The following C12orf42 variants were observed in gnomAD, a reference collection of about 807,000 sequenced individuals.
C12orf42 encodes the protein chromosome 12 open reading frame 42, also known as uncharacterized protein C12orf42.
Under a neutral mutation model 21.6 loss-of-function variants are expected in C12orf42, and 25 were observed. That is an observed-to-expected ratio of 1.16 (90% CI 0.84 to 1.62). The LOEUF (loss-of-function observed/expected upper bound fraction) is 1.62. Ranked by LOEUF, C12orf42 falls within the 40% of genes most tolerant of loss-of-function variation. The probability of loss-of-function intolerance (pLI) is 0.00; values close to 1 mark genes in which losing one functional copy is unlikely to be tolerated. For missense variants in C12orf42, 483 were observed against 459.3 expected, an observed-to-expected ratio of 1.05 and a Z score of -0.47; for synonymous variants, 174 against 175.0, an observed-to-expected ratio of 0.99 and a Z score of 0.05.
chr12:103,116,240 TA>T, the C12orf42 span, among the ~76,000 whole-genome samples: 2 of 151,910 alleles, frequency 1.3e-5, no homozygotes, highest in Admixed American at 1.3e-4. Context: ...GACACATGCC[TA>T]TAATCCCAGC....
At chr12:103,427,270 A>C (rs1387998607) in intron 2 of C12orf42, among the ~76,000 whole-genome samples, 1 of 143,756 alleles carries the variant, frequency 7.0e-6, no homozygotes, top group African/African-American at 2.5e-5. Flanking sequence ...AATATTTACC[A>C]AGCAAATGGA....
rs189822880 is a variant in C12orf42, at chr12:103,288,412, G to C, written n.338-11202C>G. ...GGGTTAGGACTCACCAAAGAAATGG[G>C]ATAAATTGATCATAGAGTTTACAAG... On this transcript the variant is annotated intron_variant and non_coding_transcript_variant, in intron 4 of 6. Transcript: ENST00000546526. Among the ~76,000 whole-genome samples the C allele has an allele frequency of 5.0e-3, 757 of 152,250 alleles. 2 individuals are homozygous for C. Among genetic ancestry groups the C allele is most frequent in the Non-Finnish European group, 6.9e-3 (469 of 68,004 alleles).
the C12orf42 span, among the ~76,000 whole-genome samples, chr12:103,231,600 T>C: frequency 6.6e-6 from 1 of 152,202 alleles, no homozygotes; most frequent in East Asian, 1.9e-4. Context: ...CTTAGTAACA[T>C]GCATTTAAGT....
At chr12:103,157,130 G>A in the C12orf42 span, among the ~76,000 whole-genome samples, 2 of 151,994 alleles carry the variant, frequency 1.3e-5, no homozygotes, top group African/African-American at 2.4e-5. Flanking sequence ...AGCCTCGCCC[G>A]CATCTATTAT....
intron 5 of C12orf42, among the ~76,000 whole-genome samples, 167 bp downstream of exon 5, chr12:103,305,807 T>C (rs1302264384): frequency 6.6e-6 from 1 of 152,232 alleles, no homozygotes. Context: ...AATATAATGC[T>C]TGACAACAAG....
chr12:103,319,129 G>T (rs1309765043), intron 4 of C12orf42, among the ~76,000 whole-genome samples: 1 of 152,104 alleles, frequency 6.6e-6, no homozygotes, highest in African/African-American at 2.4e-5. Context: ...TGGGAAAAGG[G>T]CTGATATTAA....
At chr12:103,198,336 G>A in the C12orf42 span, among the ~76,000 whole-genome samples, 1 of 152,136 alleles carries the variant, frequency 6.6e-6, no homozygotes, top group East Asian at 1.9e-4. Context: ...CTGTGGTTGG[G>A]CATGTGAGGC....
At chr12:103,328,083 C>T (rs1045056819) in intron 4 of C12orf42, among the ~76,000 whole-genome samples, 4 of 152,112 alleles carry the variant, frequency 2.6e-5, no homozygotes, top group African/African-American at 9.7e-5. Context: ...TCTCAAGCAG[C>T]CTCCTTCTTC....
At chr12:103,362,268 C>A (rs1364160145) in intron 4 of C12orf42, among the ~76,000 whole-genome samples, 1 of 152,102 alleles carries the variant, frequency 6.6e-6, no homozygotes, top group Non-Finnish European at 1.5e-5. Context: ...ACAATCACTA[C>A]AGCTCAGCTC....
At chr12:103,328,114 G>A (rs1353886541) in intron 4 of C12orf42, among the ~76,000 whole-genome samples, 1 of 152,150 alleles carries the variant, frequency 6.6e-6, no homozygotes, top group Non-Finnish European at 1.5e-5. Flanking sequence ...ATGGTCACCA[G>A]TATTTTAGGT....
At chr12:103,216,886 A>G in the C12orf42 span, among the ~76,000 whole-genome samples, 3 of 152,010 alleles carry the variant, frequency 2.0e-5, no homozygotes, top group Non-Finnish European at 2.9e-5. Context: ...TCTGTGGCCC[A>G]GGCTGGAGTG....
the C12orf42 span, among the ~76,000 whole-genome samples, chr12:103,085,135 AG>A: frequency 3.9e-5 from 6 of 152,170 alleles, no homozygotes; most frequent in Admixed American, 3.9e-4. Flanking sequence ...ATAATGAAAA[AG>A]CAACTGTTTT....
intron 2 of C12orf42, among the ~76,000 whole-genome samples, chr12:103,462,110 T>TTTTTTTTTTTTTTTTTTTG (rs1565868142): frequency 1.1e-5 from 1 of 92,624 alleles, no homozygotes; most frequent in Non-Finnish European, 2.2e-5. Context: ...TTTTTTTTTT[T>TTTTTTTTTTTTTTTTTTTG]TTTTTTTTTT....
the C12orf42 span, among the ~76,000 whole-genome samples, chr12:103,166,565 C>A: frequency 6.6e-6 from 1 of 152,126 alleles, no homozygotes; most frequent in Non-Finnish European, 1.5e-5. Flanking sequence ...GAATCCAGGT[C>A]TATTTCTTCC....
chr12:103,544,466 A>G, the C12orf42 span, among the ~76,000 whole-genome samples: 1 of 152,184 alleles, frequency 6.6e-6, no homozygotes, highest in Non-Finnish European at 1.5e-5. Context: ...GAATTTGACT[A>G]TGACGTTTCC....
At chr12:103,303,736 A>AT (rs1197331495) in intron 5 of C12orf42, among the ~76,000 whole-genome samples, 1 of 152,168 alleles carries the variant, frequency 6.6e-6, no homozygotes, top group African/African-American at 2.4e-5. Context: ...AACAGTGAAA[A>AT]TTTTTTTGTG....
At chr12:103,189,180 G>T in the C12orf42 span, among the ~76,000 whole-genome samples, 2 of 152,222 alleles carry the variant, frequency 1.3e-5, no homozygotes, top group Non-Finnish European at 2.9e-5. Flanking sequence ...ACTTGCTTCA[G>T]GTAGACCACT....
the C12orf42 span, among the ~76,000 whole-genome samples, chr12:103,126,664 T>TA: frequency 8.4e-4 from 112 of 134,056 alleles, no homozygotes; most frequent in African/African-American, 9.6e-4. Context: ...TGAAGTTAAC[T>TA]AAAAAAAAAA....
At chr12:103,091,845 C>T in the C12orf42 span, among the ~76,000 whole-genome samples, 1 of 152,110 alleles carries the variant, frequency 6.6e-6, no homozygotes, top group Non-Finnish European at 1.5e-5. Context: ...TCTTACAAGA[C>T]CAAATCTTGT....
Sources: gnomAD v4.1 joint callset for allele counts (sites outside exome capture counted in the v4.1 genomes callset) on GRCh38, gnomAD v4.1.1 for gene constraint, MANE v1.5 for transcripts, NCBI Gene and HGNC (gene_info 2026-07-23, HGNC 2026-07-21) for gene names.